SPATA6L: variants seen among roughly 807,000 people sequenced by gnomAD.
SPATA6L encodes spermatogenesis associated 6 like, also known as spermatogenesis associated 6-like protein.
SPATA6L carries 68 observed loss-of-function variants against 49.2 expected under a neutral mutation model. The ratio of observed to expected loss-of-function variants is 1.38; its 90% CI spans 1.14 to 1.69. The LOEUF (loss-of-function observed/expected upper bound fraction) is 1.69. Among genes scored for constraint, SPATA6L ranks in the 40% most tolerant of loss-of-function variants. The pLI is 0.00. For synonymous variants in SPATA6L, 198 were observed against 165.7 expected (o/e 1.19, Z -1.50); for missense variants, 668 against 464.3 (o/e 1.44, Z -4.03).
Position 4,625,559 on chromosome 9 carries a change from C to G in SPATA6L, c.437G>C (p.Arg146Thr). ...AGATAAAGGCCTCCGTGACTCATGT[C>G]TTTCTTCCTGAAATAAACAAAAAAA... ...FLHRNRFLEE[R>T]HESRRPLSTS... is the part of the protein sequence containing the mutation. The change falls in exon 6 of 12, where the codon AGA (arginine) becomes ACA (threonine). Residue 146 changes from arginine (R) to threonine (T), a missense_variant. By Grantham distance (71) the Arg-to-Thr change is moderately conservative. Transcript: ENST00000682582. 6.6e-7 allele frequency: 1 copy of G among 1,519,642 alleles called. No homozygotes were observed. The highest frequency in any genetic ancestry group is 8.8e-7 in the Non-Finnish European group (1 of 1,135,710). 94.1% of individuals were successfully genotyped at this position (1,519,642 alleles called of 1,614,324 possible).
chr9:4,661,463 CTTTTTGTTACAGGA>C (rs1839717334), intron 2 of SPATA6L, among the ~76,000 whole-genome samples: 1 of 151,882 alleles, frequency 6.6e-6, no homozygotes, highest in Non-Finnish European at 1.5e-5. Context: ...TCTGAACAGC[CTTTTTGTTACAGGA>C]TTTTAGTTAC....
At chr9:4,607,385 A>G (rs1825548996) in intron 9 of SPATA6L, among the ~76,000 whole-genome samples, 2 of 152,246 alleles carry the variant, frequency 1.3e-5, no homozygotes, top group East Asian at 1.9e-4. Flanking sequence ...TGTTAAGGGC[A>G]GCCAGAGAGA....
In SPATA6L at chr9:4,599,867, G is replaced by C. The variant is rs1368765068; in HGVS notation, c.*944C>G. Among the ~76,000 whole-genome samples the C allele has an allele frequency of 6.6e-6, 1 of 152,176 alleles. No individual in the cohort carries two copies. Among genetic ancestry groups the C allele is most frequent in the Non-Finnish European group, 1.5e-5 (1 of 68,034 alleles). On this transcript the variant is annotated 3_prime_UTR_variant, in exon 12 of 12. Coordinates refer to ENST00000682582, the MANE Select transcript of SPATA6L (RefSeq NM_001353486.2). ...TATAGTAGGGCTGGTAGAGGAAAAT[G>C]CTATGCTTACACTATGAAGGAGGGA...
At chr9:4,626,751 GGC>G (rs1317630057) in intron 5 of SPATA6L, 7 of 334,664 alleles carry the variant, frequency 2.1e-5, no homozygotes, top group African/African-American at 1.1e-4. Flanking sequence ...GAAAATGAAT[GGC>G]CAGACAGATT....
chr9:4,645,930 T>C (rs777885922), intron 3 of SPATA6L, among the ~76,000 whole-genome samples: 2 of 152,214 alleles, frequency 1.3e-5, no homozygotes, highest in African/African-American at 4.8e-5. Flanking sequence ...TCCAATCTTA[T>C]GAACATACGA....
intron 4 of SPATA6L, among the ~76,000 whole-genome samples, chr9:4,634,660 A>T (rs1428900447): frequency 6.6e-6 from 1 of 152,200 alleles, no homozygotes; most frequent in Admixed American, 6.5e-5. Context: ...AGATCATTCA[A>T]GTGATGGAAA....
At chr9:4,650,145 A>C (rs182349153) in intron 3 of SPATA6L, among the ~76,000 whole-genome samples, 58 of 152,242 alleles carry the variant, frequency 3.8e-4, no homozygotes, top group Middle Eastern at 3.4e-3. Context: ...GTAGGTACTT[A>C]CTCACTCTTT....
At chr9:4,621,579 C>G (rs914325107) in intron 7 of SPATA6L, among the ~76,000 whole-genome samples, 2 of 152,102 alleles carry the variant, frequency 1.3e-5, no homozygotes, top group African/African-American at 4.8e-5. Flanking sequence ...ACCTCTGCCT[C>G]CCGGGTTCAA....
chr9:4,645,503 C>T (rs867701520), intron 3 of SPATA6L, among the ~76,000 whole-genome samples: 7 of 152,118 alleles, frequency 4.6e-5, no homozygotes, highest in African/African-American at 1.7e-4. Flanking sequence ...AGTGAGGGTG[C>T]TGAGCATGCT....
chr9:4,656,168 G>A, intron 2 of SPATA6L, 79 bp from the exon 3 acceptor site: 1 of 1,182,004 alleles, frequency 8.5e-7, no homozygotes, highest in Non-Finnish European at 1.2e-6. Flanking sequence ...GCCAGGTGCA[G>A]TAGCTCACAC....
chr9:4,588,846 C>G (rs1450197872), exon 14 of SPATA6L: 1 of 152,120 alleles, frequency 6.6e-6, no homozygotes, highest in Non-Finnish European at 1.5e-5. Context: ...GGTACAAGGC[C>G]CTTTATTAAA....
intron 3 of SPATA6L, among the ~76,000 whole-genome samples, chr9:4,641,759 C>A (rs1834084986): frequency 6.6e-6 from 1 of 152,172 alleles, no homozygotes; most frequent in Non-Finnish European, 1.5e-5. Context: ...AAAAGACACA[C>A]ATCAAATTGT....
At chr9:4,646,439 T>A in intron 3 of SPATA6L, 1 of 1,381,672 alleles carries the variant, frequency 7.2e-7, no homozygotes, top group South Asian at 1.5e-5. Flanking sequence ...CAAATTTATT[T>A]TAAAATCATA....
At chr9:4,591,478 T>C (rs555444115) in intron 13 of SPATA6L, among the ~76,000 whole-genome samples, 3 of 152,184 alleles carry the variant, frequency 2.0e-5, no homozygotes, top group African/African-American at 4.8e-5. Flanking sequence ...TGCTACTGTA[T>C]AAATTCACGT....
chr9:4,606,154 A>C (rs561274168), intron 9 of SPATA6L, among the ~76,000 whole-genome samples: 26 of 152,004 alleles, frequency 1.7e-4, no homozygotes, highest in African/African-American at 6.3e-4. Context: ...TCCTACGCCC[A>C]CGGAGTCTCG....
chr9:4,602,889 T>C (rs1823716130), intron 11 of SPATA6L, among the ~76,000 whole-genome samples: 1 of 152,214 alleles, frequency 6.6e-6, no homozygotes, highest in African/African-American at 2.4e-5. Flanking sequence ...ACCTATCTCA[T>C]TGGGTTGTCC....
intron 3 of SPATA6L, among the ~76,000 whole-genome samples, chr9:4,637,426 AT>A (rs1286331777): frequency 1.3e-5 from 2 of 152,174 alleles, no homozygotes; most frequent in Admixed American, 6.5e-5. Context: ...ACTAATTGAT[AT>A]TTTTGTTCAT....
At chr9:4,622,331 C>T in intron 7 of SPATA6L, 77 bp downstream of exon 7, 1 of 868,984 alleles carries the variant, frequency 1.2e-6, no homozygotes, top group Non-Finnish European at 1.9e-6. Context: ...CCTGTGATTC[C>T]TCAGAATGAA....
intron 2 of SPATA6L, among the ~76,000 whole-genome samples, chr9:4,660,874 C>A (rs1463060461): frequency 6.6e-6 from 1 of 152,180 alleles, no homozygotes; most frequent in Non-Finnish European, 1.5e-5. Context: ...AGTTCGTGTC[C>A]TTTGTAGGGA....
Sources: allele counts gnomAD v4.1 joint callset (sites outside exome capture counted in the v4.1 genomes callset), GRCh38; gene constraint gnomAD v4.1.1; transcripts MANE v1.5; gene names NCBI Gene and HGNC (gene_info 2026-07-23, HGNC 2026-07-21).